The following RECQL4 variants were observed in gnomAD, a reference collection of about 807,000 sequenced individuals.
RECQL4 encodes RecQ like helicase 4.
In RECQL4, 158 loss-of-function variants were observed where a neutral mutation model predicts 128.6. That is an observed-to-expected ratio of 1.23 (90% CI 1.08 to 1.40). The LOEUF (loss-of-function observed/expected upper bound fraction) is 1.40, where lower values mean the gene tolerates loss of function less well. RECQL4 is among the 40% of genes most tolerant of loss of function. The pLI is 0.00. For synonymous variants in RECQL4, 996 were observed against 678.9 expected, an observed-to-expected ratio of 1.47 and a Z score of -7.26; for missense variants, 2,293 against 1,649.8, an observed-to-expected ratio of 1.39 and a Z score of -6.75.
intron 6 of RECQL4, 107 bp downstream of exon 6, chr8:144,515,657 A>G: frequency 6.7e-7 from 1 of 1,488,990 alleles, no homozygotes; most frequent in Non-Finnish European, 9.1e-7. Flanking sequence ...GGCCTGGACC[A>G]GGGGTACCTG....
chr8:144,516,930 C>T, intron 4 of RECQL4, 120 bp downstream of exon 4: 3 of 1,457,502 alleles, frequency 2.1e-6, no homozygotes, highest in South Asian at 1.4e-5. Context: ...TCCCTGAAGA[C>T]TCGTGCCCTG....
rs2130704739 is a variant in RECQL4 at position 144,515,092 on chromosome 8, G to A, written c.1484-20C>T. 4.4e-6 allele frequency: 7 copies of A among 1,595,666 alleles called. No individual in the cohort carries two copies. Among genetic ancestry groups the A allele is most frequent in the Non-Finnish European group, 6.0e-6 (7 of 1,172,204 alleles). On this transcript the variant is annotated intron_variant, in intron 8 of 20. Coordinates refer to ENST00000617875, the MANE Select transcript of RECQL4 (RefSeq NM_004260.4). Reference sequence around the variant, plus strand: ...AGATGCCTGGATGGGGCGGGAGTCAGCAGCAGGGTTCTGCAGCCTGGCCTC... The same window carrying A: ...AGATGCCTGGATGGGGCGGGAGTCAACAGCAGGGTTCTGCAGCCTGGCCTC...
chr8:144,517,237 G>A (rs763393311), intron 3 of RECQL4, 47 bp from the exon 4 acceptor site: 5 of 1,544,150 alleles, frequency 3.2e-6, no homozygotes, highest in Admixed American at 1.9e-5. Flanking sequence ...TGTTGTGGCG[G>A]CAGAAGCGCT....
intron 9 of RECQL4, 122 bp downstream of exon 9, chr8:144,514,808 ACTGAGG>A: frequency 8.4e-7 from 1 of 1,193,466 alleles, no homozygotes; most frequent in Non-Finnish European, 1.2e-6. Context: ...CAAGACTGGG[ACTGAGG>A]CCACAGACAC....
In RECQL4 at chr8:144,517,497, C is replaced by A. The variant is rs1451202168; in HGVS notation, c.130G>T (p.Glu44Ter). The change falls in exon 3 of 21, where the codon GAA (glutamate) becomes TAA (stop). Residue 44 changes from glutamate to a stop codon, truncating the protein, a stop_gained. Coordinates refer to ENST00000617875, the MANE Select transcript of RECQL4 (RefSeq NM_004260.4). LOFTEE classifies it high-confidence loss of function. Reference protein sequence around the residue: ...APEETRALYREYRTLKRTTGQ... With the variant: ...APEETRALYR ...GTGGTACGCTTCAGAGTGCGGTATTCCCGGTAGAGCGCTGCGTGGGCGAGC... is the reference window on the plus strand; with the variant it reads ...GTGGTACGCTTCAGAGTGCGGTATTACCGGTAGAGCGCTGCGTGGGCGAGC... 6.3e-7 allele frequency: 1 copy of A among 1,593,200 alleles called. No homozygotes were observed. Among genetic ancestry groups the A allele is most frequent in the Non-Finnish European group, 8.5e-7 (1 of 1,175,014 alleles).
rs587778653 is a variant in RECQL4, at chr8:144,515,218, G to T, written c.1415C>A (p.Ala472Asp). 3 of 1,578,402 alleles carry T rather than the reference G, an allele frequency of 1.9e-6. No individual in the cohort carries two copies. Among genetic ancestry groups the T allele is most frequent in the Non-Finnish European group, 2.6e-6 (3 of 1,163,054 alleles). Residue 472 changes from alanine to aspartate, a missense_variant, in exon 8 of 21, where the codon GCC (alanine) becomes GAC (aspartate). Transcript: ENST00000617875. ...GGCTTGGTGCCCCAGCTGCTCCAGG[G>T]CCTGGAACACCTCAGCCGGCGTCTC... ...LAETPAEVFQ[A>D]LEQLGHQAFR...
In RECQL4 at chr8:144,512,959, C is replaced by A; in HGVS notation, c.2643G>T (p.Glu881Asp). The A allele has an allele frequency of 1.3e-6, 2 of 1,573,128 alleles. No individual in the cohort carries two copies. The highest frequency in any genetic ancestry group is 1.7e-6 in the Non-Finnish European group (2 of 1,159,604). Reference protein sequence around the residue: ...ERPVPKYPPQEAEQLSHQAAP... With the variant: ...ERPVPKYPPQDAEQLSHQAAP... Reference sequence around the variant, plus strand: ...CTGCTTGGTGGCTAAGCTGCTCAGCCTCTTGAGGGGGGTACTTGGGCACAG... The same window carrying A: ...CTGCTTGGTGGCTAAGCTGCTCAGCATCTTGAGGGGGGTACTTGGGCACAG... The change falls in exon 15 of 21, where the codon GAG (glutamate) becomes GAT (aspartate). Residue 881 changes from glutamate to aspartate, a missense_variant. Transcript: ENST00000617875.
Position 144,513,030 on chromosome 8 carries a change from T to C in RECQL4, c.2572A>G (p.Thr858Ala), listed in dbSNP as rs1586799711. 4.5e-6 allele frequency: 7 copies of C among 1,567,880 alleles called. No homozygotes were observed. The highest frequency in any genetic ancestry group is 6.0e-6 in the Non-Finnish European group (7 of 1,159,972). The change falls in exon 15 of 21, where the codon ACC becomes GCC. Residue 858 changes from threonine to alanine, a missense_variant. By Grantham distance (58) the Thr-to-Ala change is moderately conservative. Coordinates refer to ENST00000617875, the MANE Select transcript of RECQL4 (RefSeq NM_004260.4). ...RVFPACTCTC[T>A]RPPSEQEGAV... ...CCTTCCTGCTCCGAGGGCGGCCTGG[T>C]GCAGGTGCAGGTGCAGGCTGGGAAC...
chr8:144,514,186 C>G lies in RECQL4; in HGVS notation c.1878+3G>C. The G allele has an allele frequency of 1.2e-6, 2 of 1,612,312 alleles. No individual in the cohort carries two copies. The highest frequency in any genetic ancestry group is 1.3e-5 in the African/African-American group (1 of 75,018). ...CGCCCACCCCAGTTCACATATGGCT[C>G]ACCTTGCAGACGCGCAGGTAGCAGG... On this transcript the variant is annotated splice_donor_region_variant and intron_variant, in intron 11 of 20. Transcript: ENST00000617875.
rs375236875 is a variant in RECQL4 at position 144,516,041 on chromosome 8, G to A, written c.1078C>T (p.Gln360Ter). ...GCCCGGCCCCGCACGTAGTGTTTCT[G>A]CTTCATGTTGAGCCGTACGTAATTG... ...RGNYVRLNMK[Q>*]KHYVRGRALR... Residue 360 changes from glutamine (Q) to a stop codon, truncating the protein, a stop_gained, in exon 5 of 21, where the codon CAG becomes TAG. Transcript: ENST00000617875. LOFTEE classifies it high-confidence loss of function. 9 of 1,612,150 alleles carry A rather than the reference G, an allele frequency of 5.6e-6. No individual in the cohort carries two copies. Among genetic ancestry groups the A allele is most frequent in the Non-Finnish European group, 7.6e-6 (9 of 1,179,574 alleles).
chr8:144,516,515 G>C lies in RECQL4; in HGVS notation c.604C>G (p.Leu202Val), dbSNP rs61754062. 1 of 1,609,476 alleles carries C rather than the reference G, an allele frequency of 6.2e-7. No individual in the cohort carries two copies. Among genetic ancestry groups the C allele is most frequent in the Non-Finnish European group, 8.5e-7 (1 of 1,179,512 alleles). ...GGCCTGCAGGCTTTGGGGGCCCCCA[G>C]AAAATCTGGGACCTCACTGTGACAT... ...QRCHSEVPDF[L>V]GAPKACRPDL... The change falls in exon 5 of 21, where the codon CTG becomes GTG. Residue 202 changes from leucine to valine, a missense_variant. Leu to Val is a conservative substitution (Grantham distance 32). Transcript: ENST00000617875.
At position 144,512,110 on chromosome 8, in the gene RECQL4, G is replaced by A. The variant is rs1176456814; in HGVS notation, c.3236+34C>T. ...TCAGAGCTGATCACTGCGGGAGGGT[G>A]GATGGTCCCAGGCCCCGCCCGCCTC... On this transcript the variant is annotated intron_variant, in intron 18 of 20. Coordinates refer to ENST00000617875, the MANE Select transcript of RECQL4 (RefSeq NM_004260.4). 3.1e-6 allele frequency: 5 copies of A among 1,602,528 alleles called. No homozygotes were observed. The South Asian group carries it at 4.4e-5, about 14-fold the overall frequency.
rs1433724708 is a variant in RECQL4, at chr8:144,516,308, T to C, written c.811A>G (p.Ser271Gly). Reference sequence around the variant, plus strand: ...CTCTCCTGCTGGACCTGTGCGGGGCTCTCCCAGGGCTCCTCGTTCCATCTC... The same window carrying C: ...CTCTCCTGCTGGACCTGTGCGGGGCCCTCCCAGGGCTCCTCGTTCCATCTC... Reference protein sequence around the residue: ...KRRWNEEPWESPAQVQQESSQ... With the variant: ...KRRWNEEPWEGPAQVQQESSQ... Residue 271 changes from serine (S) to glycine (G), a missense_variant, in exon 5 of 21, where the codon AGC (serine) becomes GGC (glycine). Ser to Gly is a moderately conservative substitution (Grantham distance 56, BLOSUM62 0). Transcript: ENST00000617875. 6.2e-7 allele frequency: 1 copy of C among 1,609,942 alleles called. No homozygotes were observed. The highest frequency in any genetic ancestry group is 8.5e-7 in the Non-Finnish European group (1 of 1,178,948).
Position 144,517,756 on chromosome 8 carries a change from C to A in RECQL4, c.29G>T (p.Arg10Leu). 1 of 1,312,264 alleles carries A rather than the reference C, an allele frequency of 7.6e-7. No individual in the cohort carries two copies. Among genetic ancestry groups the A allele is most frequent in the South Asian group, 2.0e-5 (1 of 50,026 alleles). The allele number at this position is 1,312,264 out of a possible 1,614,324, so 81.3% of individuals were successfully genotyped here. MERLRDVRERLQAWERAFRR... is the reference protein window; with the variant it reads MERLRDVRELLQAWERAFRR... ...GAACGCGCGCTCCCACGCCTGCAGC[C>A]GCTCCCGCACGTCCCGCAGCCGCTC... Residue 10 changes from arginine (R) to leucine (L), a missense_variant, in exon 1 of 21, where the codon CGG (arginine) becomes CTG (leucine). Coordinates refer to ENST00000617875, the MANE Select transcript of RECQL4 (RefSeq NM_004260.4).
intron 4 of RECQL4, 30 bp downstream of exon 4, chr8:144,517,020 G>A (rs1165277108): frequency 7.5e-6 from 12 of 1,600,220 alleles, no homozygotes; most frequent in Non-Finnish European, 9.4e-6. Context: ...TGTGGACCTA[G>A]CGTGGACTCA....
chr8:144,517,678 C>A (rs1469795350), intron 1 of RECQL4, 23 bp downstream of exon 1: 21 of 1,456,358 alleles, frequency 1.4e-5, no homozygotes, highest in Non-Finnish European at 1.9e-5. Context: ...CCCTCAGCCC[C>A]TCGGCCCCTG....
At position 144,513,651 on chromosome 8, in the gene RECQL4, C is replaced by T. The variant is rs1351785836; in HGVS notation, c.2120G>A (p.Cys707Tyr). The T allele has an allele frequency of 6.3e-7, 1 of 1,575,862 alleles. No individual in the cohort carries two copies. Among genetic ancestry groups the T allele is most frequent in the African/African-American group, 1.4e-5 (1 of 73,990 alleles). The change falls in exon 13 of 21, where the codon TGC becomes TAC. Residue 707 changes from cysteine (C) to tyrosine (Y), a missense_variant. Physicochemically the swap from Cys to Tyr is radical, Grantham distance 194 (BLOSUM62 -2). Transcript: ENST00000617875. Reference sequence around the variant, plus strand: ...CCGCTCTGTGTCCTCGCGCCGGTTGCAGTAAATGATAATGGAATCGAGGTT... The same window carrying T: ...CCGCTCTGTGTCCTCGCGCCGGTTGTAGTAAATGATAATGGAATCGAGGTT... ...FQNLDSIIIY[C>Y]NRREDTERIA...
intron 4 of RECQL4, 110 bp from the exon 5 acceptor site, chr8:144,516,874 C>T (rs1303349693): frequency 1.4e-6 from 2 of 1,380,888 alleles, no homozygotes; most frequent in African/African-American, 2.9e-5. Context: ...CTAATTAGCA[C>T]AAGGCTGGAC....
chr8:144,516,049 T>C lies in RECQL4; in HGVS notation c.1070A>G (p.Asn357Ser), dbSNP rs771851520. Reference sequence around the variant, plus strand: ...CCGCACGTAGTGTTTCTGCTTCATGTTGAGCCGTACGTAATTGCCCCTGTC... The same window carrying C: ...CCGCACGTAGTGTTTCTGCTTCATGCTGAGCCGTACGTAATTGCCCCTGTC... The part of the protein sequence containing the change: ...RHDRGNYVRL[N>S]MKQKHYVRGR... Residue 357 changes from asparagine to serine, a missense_variant, in exon 5 of 21, where the codon AAC becomes AGC. Coordinates refer to ENST00000617875, the MANE Select transcript of RECQL4 (RefSeq NM_004260.4). 9 of 1,612,460 alleles carry C rather than the reference T, an allele frequency of 5.6e-6. No homozygotes were observed. The African/African-American group carries it at 1.1e-4, about 19-fold the overall frequency.
Sources: gnomAD v4.1 joint callset for allele counts on GRCh38, gnomAD v4.1.1 for gene constraint, MANE v1.5 for transcripts, NCBI Gene and HGNC (gene_info 2026-07-23, HGNC 2026-07-21) for gene names.